The following CECR2 variants were observed in gnomAD, a reference collection of about 807,000 sequenced individuals.
CECR2 encodes chromatin remodeling regulator CECR2.
A neutral mutation model predicts 154.5 loss-of-function variants in CECR2; 30 were observed. The observed-to-expected ratio is 0.19, with a 90% CI of 0.15 to 0.26. The LOEUF (loss-of-function observed/expected upper bound fraction) is 0.26, where lower values mean the gene tolerates loss of function less well. CECR2 is among the 10% of genes least tolerant of loss of function. CECR2 has a pLI of 1.00. For synonymous variants in CECR2, 725 were observed against 683.7 expected (o/e 1.06, Z -0.94); for missense variants, 1,743 against 1,829.3 (o/e 0.95, Z 0.86).
At position 17,404,364 on chromosome 22, in the gene CECR2, CTTTCTT is replaced by C. The variant is rs1282694141; in HGVS notation, c.126+34459_126+34464del. ...TGTGGGTTCATTTCTGGACCCTGTT[CTTTCTT>C]TTTTTTTTTTTTTTTTTTTTTGAGA... On this transcript the variant is annotated intron_variant, in intron 1 of 18. Transcript: ENST00000262608. 1.7e-4 allele frequency among the ~76,000 whole-genome samples: 10 copies of C among 59,626 alleles called. 1 individual carries two copies. Among genetic ancestry groups the C allele is most frequent in the South Asian group, 1.0e-3 (2 of 2,004 alleles). The allele number at this position is 59,626 out of a possible 152,430, so 39.1% of individuals were successfully genotyped here. A position where few individuals can be genotyped will look rare whatever the true frequency, so the allele number is the denominator to read the frequency against.
chr22:17,415,805 T>G (rs1402654168), intron 1 of CECR2, among the ~76,000 whole-genome samples: 1 of 152,236 alleles, frequency 6.6e-6, no homozygotes, highest in East Asian at 1.9e-4. Flanking sequence ...TTCTTTACTT[T>G]CATCTACAAA....
At chr22:17,404,181 C>T (rs2053939418) in intron 1 of CECR2, among the ~76,000 whole-genome samples, 1 of 149,876 alleles carries the variant, frequency 6.7e-6, no homozygotes, top group Non-Finnish European at 1.5e-5. Context: ...ATCTCTTGAA[C>T]CCAGGAGGTG....
chr22:17,434,224 G>T (rs1159147597), intron 1 of CECR2, among the ~76,000 whole-genome samples: 7 of 152,176 alleles, frequency 4.6e-5, no homozygotes, highest in Admixed American at 4.6e-4. Context: ...TTCTGTCAAG[G>T]TGAGTGGGAA....
chr22:17,511,877 T>G lies in CECR2; in HGVS notation c.935T>G (p.Ile312Ser). 3 of 1,611,480 alleles carry G rather than the reference T, an allele frequency of 1.9e-6. No individual in the cohort carries two copies. Among genetic ancestry groups the G allele is most frequent in the South Asian group, 1.1e-5 (1 of 90,552 alleles). ...HPRWMSDHLS[I>S]KPVKQEETPV... ...AGGTGGATGTCTGACCACCTGTCCA[T>G]CAAACCCGTCAAGCAAGAGGTGAGT... The change falls in exon 8 of 19, where the codon ATC becomes AGC. Residue 312 changes from isoleucine to serine, a missense_variant. Physicochemically the swap from Ile to Ser is moderately radical, Grantham distance 142 (BLOSUM62 -2). Around this residue, in one of 4 missense-constraint regions of CECR2, gnomAD observed 292 missense variants for 301.2 expected, o/e 0.97. Transcript: ENST00000262608.
rs568230032 is a variant in CECR2, at chr22:17,511,581, A to C, written c.871-232A>C. 1.3e-4 allele frequency among the ~76,000 whole-genome samples: 20 copies of C among 151,884 alleles called. 1 individual carries two copies. The highest frequency in any genetic ancestry group is 2.5e-4 in the Non-Finnish European group (17 of 68,010). ...GTTTTTTGCCAGTGATACATATTATAAAAGACACTTGTTTGTCTCCAAGTT... is the reference window on the plus strand; with the variant it reads ...GTTTTTTGCCAGTGATACATATTATCAAAGACACTTGTTTGTCTCCAAGTT... On this transcript the variant is annotated intron_variant, in intron 7 of 18. Coordinates refer to ENST00000262608, the MANE Select transcript of CECR2 (RefSeq NM_001290047.2).
At chr22:17,488,658 G>A (rs2055468712) in intron 2 of CECR2, among the ~76,000 whole-genome samples, 1 of 152,050 alleles carries the variant, frequency 6.6e-6, no homozygotes, top group Admixed American at 6.6e-5. Context: ...GGGGGTGGGG[G>A]ACTAAATTGT....
Position 17,515,222 on chromosome 22 carries a change from A to G in CECR2, c.954+3326A>G, listed in dbSNP as rs190135139. On this transcript the variant is annotated intron_variant, in intron 8 of 18. Transcript: ENST00000262608. ...AAATGTGAGGCAGACATATTCAGCT[A>G]AGCAGGAGGTGTTTACAAGTGCAGG... is the stretch of plus-strand genomic sequence containing the variant. Among the ~76,000 whole-genome samples, 12 of 152,302 alleles carry G rather than the reference A, an allele frequency of 7.9e-5. No individual in the cohort carries two copies. In the East Asian group the frequency reaches 1.5e-3, roughly 20 times the overall value.
At chr22:17,497,826 C>T (rs936675709) in intron 3 of CECR2, among the ~76,000 whole-genome samples, 1 of 152,170 alleles carries the variant, frequency 6.6e-6, no homozygotes, top group African/African-American at 2.4e-5. Flanking sequence ...GTTTCATCTT[C>T]CTTTACGTGC....
intron 1 of CECR2, among the ~76,000 whole-genome samples, chr22:17,391,650 T>G (rs1218221728): frequency 6.6e-6 from 1 of 152,240 alleles, no homozygotes; most frequent in African/African-American, 2.4e-5. Context: ...ATTATGGTAA[T>G]AATATGGAAA....
At chr22:17,530,878 C>T (rs1031231477) in intron 9 of CECR2, among the ~76,000 whole-genome samples, 7 of 152,062 alleles carry the variant, frequency 4.6e-5, no homozygotes, top group African/African-American at 1.2e-4. Context: ...GCAGGACACA[C>T]GTGGACAAAT....
intron 1 of CECR2, among the ~76,000 whole-genome samples, chr22:17,413,797 T>C (rs1422293775): frequency 0.015 from 1,855 of 123,662 alleles, 18 homozygotes; most frequent in Middle Eastern, 0.026. Flanking sequence ...CTGCCTCAGC[T>C]TCCCGAGTAG....
At chr22:17,492,598 A>G (rs1282401469) in intron 2 of CECR2, among the ~76,000 whole-genome samples, 3 of 152,210 alleles carry the variant, frequency 2.0e-5, no homozygotes, top group African/African-American at 4.8e-5. Context: ...AGGGAAAAAA[A>G]GAGGTAATTA....
chr22:17,507,360 G>A (rs1436135225), intron 7 of CECR2, among the ~76,000 whole-genome samples: 1 of 152,148 alleles, frequency 6.6e-6, no homozygotes, highest in Non-Finnish European at 1.5e-5. Flanking sequence ...TTTGTGATCA[G>A]CAATTCACTG....
intron 1 of CECR2, among the ~76,000 whole-genome samples, chr22:17,400,484 TC>T (rs1432579889): frequency 6.6e-6 from 1 of 151,844 alleles, no homozygotes; most frequent in Non-Finnish European, 1.5e-5. Flanking sequence ...ACTCTCTTTA[TC>T]CTTAGGAGGC....
At chr22:17,485,026 C>T (rs1454254952) in intron 2 of CECR2, among the ~76,000 whole-genome samples, 5 of 152,190 alleles carry the variant, frequency 3.3e-5, no homozygotes, top group Non-Finnish European at 7.3e-5. Flanking sequence ...TTCAACCGTA[C>T]TCTCCAACCT....
At chr22:17,386,544 C>T (rs749057672) in intron 1 of CECR2, among the ~76,000 whole-genome samples, 4 of 152,048 alleles carry the variant, frequency 2.6e-5, no homozygotes, top group Non-Finnish European at 4.4e-5. Context: ...TTTGTGCCAC[C>T]GCTCTCTAAT....
At chr22:17,381,969 G>C (rs149174617) in intron 1 of CECR2, among the ~76,000 whole-genome samples, 1 of 151,676 alleles carries the variant, frequency 6.6e-6, no homozygotes, top group Non-Finnish European at 1.5e-5. Flanking sequence ...CTCACTGCGA[G>C]CTCCGCCTCC....
At chr22:17,480,457 C>G (rs191047485) in intron 2 of CECR2, among the ~76,000 whole-genome samples, 161 of 110,174 alleles carry the variant, frequency 1.5e-3, no homozygotes, top group African/African-American at 3.5e-3. Flanking sequence ...CACACACACA[C>G]ACAGAGAAAA....
rs569716054 is a variant in CECR2, at chr22:17,488,074, G to A, written c.222-9329G>A. ...TTTTTGTATTTTTAGTAGAGACAGCGTTTCACCATGTTGACCAGGCTGGTC... is the reference window on the plus strand; with the variant it reads ...TTTTTGTATTTTTAGTAGAGACAGCATTTCACCATGTTGACCAGGCTGGTC... On this transcript the variant is annotated intron_variant, in intron 2 of 18. Coordinates refer to ENST00000262608, the MANE Select transcript of CECR2 (RefSeq NM_001290047.2). 3.9e-5 allele frequency among the ~76,000 whole-genome samples: 6 copies of A among 152,116 alleles called. No individual in the cohort carries two copies. The East Asian group carries it at 9.7e-4, about 25-fold the overall frequency.
Sources: allele counts gnomAD v4.1 joint callset (sites outside exome capture counted in the v4.1 genomes callset), GRCh38; gene constraint gnomAD v4.1.1; regional missense constraint gnomAD v4.1.1; transcripts MANE v1.5; gene names NCBI Gene and HGNC (gene_info 2026-07-23, HGNC 2026-07-21).